Variants in MYLK observed in about 807,000 individuals in gnomAD.
MYLK encodes the protein myosin light chain kinase, also known as myosin light chain kinase, smooth muscle.
Under a neutral mutation model 203.4 loss-of-function variants are expected in MYLK, and 106 were observed. The ratio of observed to expected loss-of-function variants is 0.52; its 90% CI spans 0.45 to 0.61. The LOEUF is 0.61. MYLK is among the 20% of genes least tolerant of loss of function. The pLI is 0.00. For synonymous variants in MYLK, 867 were observed against 959.5 expected (o/e 0.90, Z 1.78); for missense variants, 2,072 against 2,442.3 (o/e 0.85, Z 3.20).
At chr3:123,713,666 G>C (rs200098828) in intron 13 of MYLK, among the ~76,000 whole-genome samples, 1 of 134,652 alleles carries the variant, frequency 7.4e-6, no homozygotes, top group Non-Finnish European at 1.6e-5. Context: ...AAATTATTCT[G>C]GCTCATCTCT....
rs776549585 is a variant in MYLK at position 123,738,909 on chromosome 3, G to T, written c.576C>A (p.Val192=). The part of the protein sequence containing the change: ...CKITGRPQPQ[V]TWLKGNVPLQ... The stretch of plus-strand genomic sequence containing the variant: ...ACAGAAACCTCACCTTGAGCCAGGT[G>T]ACCTGCGGTTGGGGCCGGCCAGTGA... The change falls in exon 7 of 34, where the codon GTC becomes GTA. Residue 192 remains valine (V), a synonymous_variant. Transcript: ENST00000360304. 22 of 1,610,854 alleles carry T rather than the reference G, an allele frequency of 1.4e-5. No homozygotes were observed. Among genetic ancestry groups the T allele is most frequent in the Non-Finnish European group, 1.9e-5 (22 of 1,178,470 alleles).
Position 123,752,553 on chromosome 3 carries a change from A to G in MYLK, c.166-15T>C. ...TAACCCCGGACCTTCAAGAAAAAGA[A>G]GAAAGGGTAAGAGCCTGTATTTCAT... is the stretch of plus-strand genomic sequence containing the variant. On this transcript the variant is annotated splice_polypyrimidine_tract_variant and intron_variant, in intron 4 of 33. Coordinates refer to ENST00000360304, the MANE Select transcript of MYLK (RefSeq NM_053025.4). 6.2e-7 allele frequency: 1 copy of G among 1,603,882 alleles called. No homozygotes were observed. Among genetic ancestry groups the G allele is most frequent in the Non-Finnish European group, 8.5e-7 (1 of 1,175,368 alleles).
rs867396042 is a variant in MYLK at position 123,725,988 on chromosome 3, G to C, written c.1607C>G (p.Ser536Cys). ...IEGQDFVLQCSVRGTPVPRIT... is the reference protein window; with the variant it reads ...IEGQDFVLQCCVRGTPVPRIT... ...CCGGGGCACTGGGGTCCCCCGTACGGAGCACTGCAGCACAAAATCCTGGCC... is the reference window on the plus strand; with the variant it reads ...CCGGGGCACTGGGGTCCCCCGTACGCAGCACTGCAGCACAAAATCCTGGCC... Residue 536 changes from serine to cysteine, a missense_variant, in exon 12 of 34, where the codon TCC becomes TGC. Transcript: ENST00000360304. 1 of 1,614,208 alleles carries C rather than the reference G, an allele frequency of 6.2e-7. No homozygotes were observed. Among genetic ancestry groups the C allele is most frequent in the Admixed American group, 1.7e-5 (1 of 60,034 alleles).
chr3:123,692,398 T>C (rs2060712448), intron 19 of MYLK: 1 of 1,196,426 alleles, frequency 8.4e-7, no homozygotes, highest in South Asian at 1.6e-5. Flanking sequence ...TGTAAAATAC[T>C]CTGTAGTCAT....
chr3:123,828,500 T>C (rs2066212035), intron 3 of MYLK, among the ~76,000 whole-genome samples: 2 of 152,100 alleles, frequency 1.3e-5, no homozygotes, highest in African/African-American at 4.8e-5. Flanking sequence ...ATGATAAAAT[T>C]ACTAGAAGAA....
At chr3:123,679,794 C>T (rs2060198848) in intron 20 of MYLK, among the ~76,000 whole-genome samples, 1 of 152,190 alleles carries the variant, frequency 6.6e-6, no homozygotes, top group Admixed American at 6.5e-5. Flanking sequence ...CTTCCAGCTT[C>T]TCCACCACAA....
At chr3:123,840,632 A>G (rs1363140878) in intron 2 of MYLK, among the ~76,000 whole-genome samples, 1 of 151,946 alleles carries the variant, frequency 6.6e-6, no homozygotes, top group East Asian at 1.9e-4. Flanking sequence ...AATATTCTTC[A>G]TAAATATAAA....
At chr3:123,823,314 AG>A (rs757034956) in intron 3 of MYLK, among the ~76,000 whole-genome samples, 1 of 152,190 alleles carries the variant, frequency 6.6e-6, no homozygotes, top group Non-Finnish European at 1.5e-5. Context: ...ACTGACCTCC[AG>A]AATTTGACAT....
chr3:123,842,078 T>A (rs2066604562), intron 2 of MYLK, among the ~76,000 whole-genome samples: 1 of 152,082 alleles, frequency 6.6e-6, no homozygotes, highest in East Asian at 1.9e-4. Flanking sequence ...AGATAAAATA[T>A]TATTATACAA....
At chr3:123,817,918 A>G (rs1180967442) in intron 3 of MYLK, among the ~76,000 whole-genome samples, 1 of 152,138 alleles carries the variant, frequency 6.6e-6, no homozygotes, top group African/African-American at 2.4e-5. Flanking sequence ...TGGCAGGGGA[A>G]GGAGTTCAGG....
At chr3:123,789,659 CAAA>C (rs745766578) in intron 4 of MYLK, among the ~76,000 whole-genome samples, 4,911 of 78,618 alleles carry the variant, frequency 0.062, 267 homozygotes, top group African/African-American at 0.21. Context: ...GCTGGCAAAG[CAAA>C]AAAAAAAAAA....
Position 123,708,903 on chromosome 3 carries a change from A to C in MYLK, c.1943-8T>G. On this transcript the variant is annotated splice_region_variant and splice_polypyrimidine_tract_variant and intron_variant, in intron 14 of 33. Coordinates refer to ENST00000360304, the MANE Select transcript of MYLK (RefSeq NM_053025.4). ...CTTCAGGGGGTGGATTCCCTGAACCAGGAGGAGGGGAAGGGGGATTGGTTA... is the reference window on the plus strand; with the variant it reads ...CTTCAGGGGGTGGATTCCCTGAACCCGGAGGAGGGGAAGGGGGATTGGTTA... The C allele has an allele frequency of 6.2e-7, 1 of 1,613,378 alleles. No homozygotes were observed. Among genetic ancestry groups the C allele is most frequent in the South Asian group, 1.1e-5 (1 of 91,072 alleles).
rs773518470 is a variant in MYLK at position 123,682,140 on chromosome 3, G to T, written c.3652+84C>A. 34 of 1,046,302 alleles carry T rather than the reference G, an allele frequency of 3.2e-5. No homozygotes were observed. In the Admixed American group the frequency reaches 5.7e-4, roughly 18 times the overall value. The allele number at this position is 1,046,302 out of a possible 1,614,324, so 64.8% of individuals were successfully genotyped here. On this transcript the variant is annotated intron_variant, in intron 20 of 33. Coordinates refer to ENST00000360304, the MANE Select transcript of MYLK (RefSeq NM_053025.4). ...TCAGGCAAGAGTGAGTGACCAGAAA[G>T]TGGGGGCTCTGAGGCTGCCCTCAGT...
chr3:123,662,207 T>A (rs574574002), intron 23 of MYLK, among the ~76,000 whole-genome samples: 25 of 152,322 alleles, frequency 1.6e-4, no homozygotes, highest in African/African-American at 5.8e-4. Context: ...TGGGACATTC[T>A]GTACCTACTT....
chr3:123,842,156 C>T (rs2700362), intron 2 of MYLK, among the ~76,000 whole-genome samples: 91,605 of 151,736 alleles, frequency 0.6, 28,107 homozygotes, highest in Non-Finnish European at 0.67. Context: ...ATAAGATGAA[C>T]CTAGAAAACA....
At chr3:123,618,538 C>G (rs895037182) in intron 33 of MYLK, 101 bp downstream of exon 33, 1 of 1,536,006 alleles carries the variant, frequency 6.5e-7, no homozygotes, top group Non-Finnish European at 9.0e-7. Flanking sequence ...CTCATTGTCC[C>G]CAGCTGCACA....
intron 4 of MYLK, among the ~76,000 whole-genome samples, chr3:123,770,744 T>C (rs1223692421): frequency 6.6e-6 from 1 of 152,216 alleles, no homozygotes; most frequent in African/African-American, 2.4e-5. Context: ...GGAGGGCATA[T>C]CTGTCTTCAA....
chr3:123,733,013 C>T lies in MYLK; in HGVS notation c.1399G>A (p.Ala467Thr), dbSNP rs1424304318. The T allele has an allele frequency of 1.9e-6, 3 of 1,614,176 alleles. No homozygotes were observed. Among genetic ancestry groups the T allele is most frequent in the Non-Finnish European group, 2.5e-6 (3 of 1,180,032 alleles). ...QEGSIEVYEDAGSHYLCLLKA... is the reference protein window; with the variant it reads ...QEGSIEVYEDTGSHYLCLLKA... ...AGCAGGCAGAGGTAATGGGAGCCAGCATCTTCATAAACCTCAATGCTGCCT... is the reference window on the plus strand; with the variant it reads ...AGCAGGCAGAGGTAATGGGAGCCAGTATCTTCATAAACCTCAATGCTGCCT... Residue 467 changes from alanine (A) to threonine (T), a missense_variant, in exon 11 of 34, where the codon GCT becomes ACT. Physicochemically the swap from Ala to Thr is moderately conservative, Grantham distance 58. Transcript: ENST00000360304.
intron 1 of MYLK, among the ~76,000 whole-genome samples, 183 bp from the exon 2 acceptor site, chr3:123,876,800 T>C (rs2148720877): frequency 6.6e-6 from 1 of 152,308 alleles, no homozygotes; most frequent in South Asian, 2.1e-4. Context: ...AGAGATTTTG[T>C]TATCAGCCAG....
Sources: allele counts gnomAD v4.1 joint callset (sites outside exome capture counted in the v4.1 genomes callset), GRCh38; gene constraint gnomAD v4.1.1; transcripts MANE v1.5; gene names NCBI Gene and HGNC (gene_info 2026-07-23, HGNC 2026-07-21).